TESPA1: variants seen among roughly 807,000 people sequenced by gnomAD.
TESPA1 encodes the protein protein TESPA1.
Under a neutral mutation model 57.9 loss-of-function variants are expected in TESPA1, and 33 were observed. The ratio of observed to expected loss-of-function variants is 0.57; its 90% CI spans 0.43 to 0.76. TESPA1 has a LOEUF of 0.76. Among genes scored for constraint, TESPA1 ranks in the 30% least tolerant of loss-of-function variants. TESPA1 has a pLI of 0.00. For synonymous variants in TESPA1, 227 were observed against 228.9 expected (o/e 0.99, Z 0.07); for missense variants, 618 against 632.9 (o/e 0.98, Z 0.25).
rs956862309 is a variant in TESPA1, at chr12:54,949,845, G to C, written c.*547C>G. 1 of 152,650 alleles carries C rather than the reference G, an allele frequency of 6.6e-6. No individual in the cohort carries two copies. The highest frequency in any genetic ancestry group is 2.4e-5 in the African/African-American group (1 of 41,454). The allele number at this position is 152,650 out of a possible 1,614,324, so 9.5% of individuals were successfully genotyped here. A position where few individuals can be genotyped will look rare whatever the true frequency, so the allele number is the denominator to read the frequency against. On this transcript the variant is annotated 3_prime_UTR_variant, in exon 11 of 11. Transcript: ENST00000449076. Reference sequence around the variant, plus strand: ...AGAAAAATAGGACTCCAGTGTTGTAGAAGATTTTCTGGAATTTAGTTAGGA... The same window carrying C: ...AGAAAAATAGGACTCCAGTGTTGTACAAGATTTTCTGGAATTTAGTTAGGA...
Position 54,967,870 on chromosome 12 carries a change from C to G in TESPA1, c.229G>C (p.Glu77Gln). Residue 77 changes from glutamate to glutamine, a missense_variant, in exon 4 of 11, where the codon GAG becomes CAG. Physicochemically the swap from Glu to Gln is conservative, Grantham distance 29. Around this residue, in one of 3 missense-constraint regions of TESPA1, gnomAD observed 199 missense variants for 184.0 expected, o/e 1.08. Coordinates refer to ENST00000449076, the MANE Select transcript of TESPA1 (RefSeq NM_001136030.3). ...DCGYSEEGFS[E>Q]EAGQFIYNGF... ...TTGTAGATAAACTGTCCTGCTTCCTCAGAAAATCCTTCTTCAGAGTATCTA... is the reference window on the plus strand; with the variant it reads ...TTGTAGATAAACTGTCCTGCTTCCTGAGAAAATCCTTCTTCAGAGTATCTA... The G allele has an allele frequency of 1.9e-6, 3 of 1,613,736 alleles. No individual in the cohort carries two copies. Among genetic ancestry groups the G allele is most frequent in the Non-Finnish European group, 2.5e-6 (3 of 1,179,732 alleles).
chr12:54,955,020 C>T (rs1357101010), intron 10 of TESPA1, among the ~76,000 whole-genome samples: 1 of 152,178 alleles, frequency 6.6e-6, no homozygotes, highest in Non-Finnish European at 1.5e-5. Context: ...TACTCTTTTC[C>T]ATAGCCGTTG....
At chr12:54,959,599 A>T (rs1950954524) in intron 10 of TESPA1, among the ~76,000 whole-genome samples, 1 of 152,158 alleles carries the variant, frequency 6.6e-6, no homozygotes, top group Non-Finnish European at 1.5e-5. Context: ...CGGGTTCTCT[A>T]CCGTGGTTCT....
chr12:54,967,317 A>T, intron 4 of TESPA1, 81 bp from the exon 5 acceptor site: 1 of 1,453,676 alleles, frequency 6.9e-7, no homozygotes, highest in Non-Finnish European at 9.5e-7. Flanking sequence ...GCATACACGA[A>T]CATCTTCACA....
chr12:54,958,549 T>G (rs559823583), intron 10 of TESPA1, among the ~76,000 whole-genome samples: 2 of 152,250 alleles, frequency 1.3e-5, no homozygotes, highest in South Asian at 4.1e-4. Flanking sequence ...GATCTGTGGT[T>G]TGGTATCTGA....
At position 54,962,823 on chromosome 12, in the gene TESPA1, G is replaced by A. The variant is rs1951171978; in HGVS notation, c.1075C>T (p.Pro359Ser). Residue 359 changes from proline (P) to serine (S), a missense_variant, in exon 9 of 11, where the codon CCA becomes TCA. Transcript: ENST00000449076. ...TCCTCTTCACAGCAGAAGACACATGGATAGGGAGAAGTGGGCAACTTCTTA... is the reference window on the plus strand; with the variant it reads ...TCCTCTTCACAGCAGAAGACACATGAATAGGGAGAAGTGGGCAACTTCTTA... ...EGKKLPTSPY[P>S]CVFCCEEETQ... 6.2e-7 allele frequency: 1 copy of A among 1,613,914 alleles called. No individual in the cohort carries two copies. The highest frequency in any genetic ancestry group is 1.1e-5 in the South Asian group (1 of 91,080).
At chr12:54,967,374 C>A in intron 4 of TESPA1, 138 bp from the exon 5 acceptor site, 1 of 927,184 alleles carries the variant, frequency 1.1e-6, no homozygotes. Flanking sequence ...ACTAGATACC[C>A]ACGTTTGTCA....
At chr12:54,974,916 G>C (rs1481137158) in intron 1 of TESPA1, among the ~76,000 whole-genome samples, 1 of 152,170 alleles carries the variant, frequency 6.6e-6, no homozygotes, top group Admixed American at 6.5e-5. Flanking sequence ...TAATCGAAAT[G>C]CTGTATTAGA....
intron 3 of TESPA1, 199 bp from the exon 4 acceptor site, chr12:54,968,091 T>A (rs1245083939): frequency 7.6e-7 from 1 of 1,322,664 alleles, no homozygotes; most frequent in African/African-American, 1.5e-5. Context: ...AAACTGGGGC[T>A]GGAATGCACT....
At chr12:54,973,453 C>T in intron 3 of TESPA1, 24 bp downstream of exon 3, 1 of 1,613,946 alleles carries the variant, frequency 6.2e-7, no homozygotes, top group East Asian at 2.2e-5. Flanking sequence ...CCACATACCA[C>T]CCCATTGCCT....
chr12:54,952,152 C>T (rs1008694934), intron 10 of TESPA1, among the ~76,000 whole-genome samples: 10 of 152,130 alleles, frequency 6.6e-5, no homozygotes, highest in Non-Finnish European at 1.5e-4. Context: ...GGAAGGGAGA[C>T]CTGAGATGGC....
At chr12:54,964,831 CA>C (rs1246892028) in intron 7 of TESPA1, among the ~76,000 whole-genome samples, 1 of 152,210 alleles carries the variant, frequency 6.6e-6, no homozygotes, top group Non-Finnish European at 1.5e-5. Context: ...AAAACTGGAT[CA>C]GTGCTTCTCA....
rs3759166 is a variant in TESPA1, at chr12:54,973,957, T to C, written c.164-438A>G. On this transcript the variant is annotated intron_variant, in intron 2 of 10. Coordinates refer to ENST00000449076, the MANE Select transcript of TESPA1 (RefSeq NM_001136030.3). Reference sequence around the variant, plus strand: ...TGAACCTCAAAGAAGCTCTGAGAAGTGTAGGAAAGGTACTACTACTTCAAT... The same window carrying C: ...TGAACCTCAAAGAAGCTCTGAGAAGCGTAGGAAAGGTACTACTACTTCAAT... The C allele has an allele frequency of 0.023, 22,713 of 988,510 alleles. 2,363 individuals carry two copies. The African/African-American group carries it at 0.25, about 11-fold the overall frequency. The allele number at this position is 988,510 out of a possible 1,614,324, so 61.2% of individuals were successfully genotyped here.
At chr12:54,953,309 C>T (rs1400520264) in intron 10 of TESPA1, among the ~76,000 whole-genome samples, 1 of 152,072 alleles carries the variant, frequency 6.6e-6, no homozygotes, top group Non-Finnish European at 1.5e-5. Flanking sequence ...TTTGATCTTT[C>T]TCCAGCACAT....
chr12:54,955,088 C>T (rs1030661489), intron 10 of TESPA1, among the ~76,000 whole-genome samples: 8 of 152,186 alleles, frequency 5.3e-5, no homozygotes, highest in African/African-American at 7.2e-5. Flanking sequence ...TACATCCTTG[C>T]GAACACGTAT....
intron 10 of TESPA1, among the ~76,000 whole-genome samples, chr12:54,953,973 T>A (rs1950574374): frequency 6.6e-6 from 1 of 152,260 alleles, no homozygotes; most frequent in Non-Finnish European, 1.5e-5. Context: ...GCTCAAAGCA[T>A]CCTGTGAACA....
At position 54,963,881 on chromosome 12, in the gene TESPA1, T is replaced by C. The variant is rs188954916; in HGVS notation, c.516A>G (p.Gln172=). Residue 172 remains glutamine, a synonymous_variant, in exon 8 of 11, where the codon CAA becomes CAG. Transcript: ENST00000449076. ...TCCGAGAAGTGTCTTTGTGATCCTCTTGGCCAAAGCCCAGACTGAAGAGGA... is the reference window on the plus strand; with the variant it reads ...TCCGAGAAGTGTCTTTGTGATCCTCCTGGCCAAAGCCCAGACTGAAGAGGA... ...EDVLFSLGFG[Q]EDHKDTSRIP... is the part of the protein sequence containing the mutation. The C allele has an allele frequency of 7.4e-5, 119 of 1,614,062 alleles. No homozygotes were observed. Among genetic ancestry groups the C allele is most frequent in the Non-Finnish European group, 9.6e-5 (113 of 1,179,892 alleles).
Position 54,963,076 on chromosome 12 carries a change from A to G in TESPA1, c.822T>C (p.Pro274=), listed in dbSNP as rs760519631. Residue 274 remains proline, a synonymous_variant, in exon 9 of 11, where the codon CCT becomes CCC. Coordinates refer to ENST00000449076, the MANE Select transcript of TESPA1 (RefSeq NM_001136030.3). Reference sequence around the variant, plus strand: ...GGCGGTCTCTGGGTGACTGGGGTTCAGGCTCTCGGGACAGAATCCTGATGG... The same window carrying G: ...GGCGGTCTCTGGGTGACTGGGGTTCGGGCTCTCGGGACAGAATCCTGATGG... The part of the protein sequence containing the change: ...VPSIRILSRE[P]EPQSPRDRLR... 1.9e-6 allele frequency: 3 copies of G among 1,613,908 alleles called. No homozygotes were observed. The highest frequency in any genetic ancestry group is 2.2e-5 in the East Asian group (1 of 44,874).
chr12:54,967,208 T>C lies in TESPA1; in HGVS notation c.285A>G (p.Glu95=). The C allele has an allele frequency of 3.1e-6, 5 of 1,613,104 alleles. No homozygotes were observed. The highest frequency in any genetic ancestry group is 4.2e-6 in the Non-Finnish European group (5 of 1,179,662). ...NGFCSHGTSF[E]DDLTLGAEAT... ...CCTCCGCTCCCAGGGTCAAGTCATC[T>C]TCAAAGCTGGTCCCATGGCTGCAGA... The change falls in exon 5 of 11, where the codon GAA becomes GAG. Residue 95 remains glutamate (E), a synonymous_variant. Coordinates refer to ENST00000449076, the MANE Select transcript of TESPA1 (RefSeq NM_001136030.3).
Sources: gnomAD v4.1 joint callset for allele counts (sites outside exome capture counted in the v4.1 genomes callset) on GRCh38, gnomAD v4.1.1 for gene constraint, gnomAD v4.1.1 regional missense constraint, MANE v1.5 for transcripts, NCBI Gene and HGNC (gene_info 2026-07-23, HGNC 2026-07-21) for gene names.